Variants in DIO2 observed in about 807,000 individuals in gnomAD.
The protein encoded by DIO2 is type II iodothyronine deiodinase.
DIO2 carries 19 observed loss-of-function variants against 21.4 expected under a neutral mutation model. That is an observed-to-expected ratio of 0.89 (90% CI 0.62 to 1.30). The LOEUF is 1.30. DIO2 is among the 50% of genes most tolerant of loss of function. The probability of loss-of-function intolerance (pLI) is 0.00; values close to 1 mark genes in which losing one functional copy is unlikely to be tolerated. For synonymous variants in DIO2, 122 were observed against 132.9 expected (o/e 0.92, Z 0.57); for missense variants, 302 against 338.1 (o/e 0.89, Z 0.84).
chr14:80,211,717 C>A, upstream of DIO2: 2 of 151,174 alleles, frequency 1.3e-5, no homozygotes, highest in Admixed American at 9.9e-5. Flanking sequence ...TCAATTCATT[C>A]AATTCGGAGC....
chr14:80,212,941 T>C (rs964568178), upstream of DIO2, among the ~76,000 whole-genome samples: 3 of 152,110 alleles, frequency 2.0e-5, no homozygotes, highest in Non-Finnish European at 2.9e-5. Context: ...AAACTTTCCA[T>C]TGAATAGCAT....
intron 2 of DIO2, chr14:80,219,496 C>A (rs1462135084): frequency 1.4e-5 from 2 of 146,790 alleles, no homozygotes; most frequent in East Asian, 4.0e-4. Flanking sequence ...GGATTGACAA[C>A]TGTAAGTCAT....
chr14:80,223,274 T>C (rs184728198), intron 2 of DIO2, among the ~76,000 whole-genome samples: 77 of 152,346 alleles, frequency 5.1e-4, no homozygotes, highest in Admixed American at 2.8e-3. Flanking sequence ...AATGACTGTG[T>C]TATTGGCTTA....
chr14:80,204,044 C>G (rs1887853420), intron 1 of DIO2, among the ~76,000 whole-genome samples: 1 of 152,132 alleles, frequency 6.6e-6, no homozygotes, highest in Non-Finnish European at 1.5e-5. Context: ...CCATGTGAAA[C>G]AGAACATCAT....
rs1887591311 is a variant in DIO2 at position 80,198,782 on chromosome 14, A to C, written c.*3907T>G. On this transcript the variant is annotated 3_prime_UTR_variant, in exon 2 of 2. Coordinates refer to ENST00000438257, the MANE Select transcript of DIO2 (RefSeq NM_013989.5). ...CCATACCATTTAGGGAAAAAAAAAAAAAAAAAAAAACCTCCTAAAATTAAA... is the reference window on the plus strand; with the variant it reads ...CCATACCATTTAGGGAAAAAAAAAACAAAAAAAAAACCTCCTAAAATTAAA... 2 of 152,108 alleles carry C rather than the reference A, an allele frequency of 1.3e-5. No individual in the cohort carries two copies. Among genetic ancestry groups the C allele is most frequent in the Middle Eastern group, 3.4e-3 (1 of 292 alleles). 9.4% of individuals were successfully genotyped at this position (152,108 alleles called of 1,614,324 possible).
chr14:80,229,085 G>A (rs1247009849), intron 2 of DIO2, among the ~76,000 whole-genome samples: 2 of 152,126 alleles, frequency 1.3e-5, no homozygotes, highest in Non-Finnish European at 2.9e-5. Context: ...ACTGGCTCAA[G>A]TCTGGAAATT....
Position 80,202,204 on chromosome 14 carries a change from A to C in DIO2, c.*485T>G. On this transcript the variant is annotated 3_prime_UTR_variant, in exon 2 of 2. Transcript: ENST00000438257. Reference sequence around the variant, plus strand: ...AACATAAGGTCTAACCTTAACACCAACGTCTAACCACATGGCCTGGGTTCA... The same window carrying C: ...AACATAAGGTCTAACCTTAACACCACCGTCTAACCACATGGCCTGGGTTCA... The C allele has an allele frequency of 2.2e-6, 1 of 452,974 alleles. No homozygotes were observed. The highest frequency in any genetic ancestry group is 1.7e-5 in the South Asian group (1 of 58,812). The allele number at this position is 452,974 out of a possible 1,614,324, so 28.1% of individuals were successfully genotyped here.
At chr14:80,223,257 AC>A (rs1446609299) in intron 2 of DIO2, among the ~76,000 whole-genome samples, 7 of 152,130 alleles carry the variant, frequency 4.6e-5, no homozygotes, top group Admixed American at 4.6e-4. Context: ...TTTCAGTCTC[AC>A]CCATCAATGA....
At chr14:80,220,206 C>T (rs1358002061) in intron 2 of DIO2, among the ~76,000 whole-genome samples, 1 of 152,192 alleles carries the variant, frequency 6.6e-6, no homozygotes, top group African/African-American at 2.4e-5. Flanking sequence ...TTCTGAGCAG[C>T]TGGGACTACA....
chr14:80,209,764 A>G (rs1888096958), intron 1 of DIO2, among the ~76,000 whole-genome samples: 1 of 152,222 alleles, frequency 6.6e-6, no homozygotes, highest in African/African-American at 2.4e-5. Context: ...TTTAACAACA[A>G]TAAACACAAA....
At chr14:80,209,366 T>A (rs1888074582) in intron 1 of DIO2, among the ~76,000 whole-genome samples, 2 of 151,898 alleles carry the variant, frequency 1.3e-5, no homozygotes, top group African/African-American at 2.4e-5. Context: ...TTTTTTTTAC[T>A]TTATAGGCAA....
intron 1 of DIO2, chr14:80,205,595 T>G (rs1028408073): frequency 7.5e-7 from 1 of 1,328,742 alleles, no homozygotes; most frequent in Non-Finnish European, 9.9e-7. Flanking sequence ...GGGGACTCTC[T>G]TATTACCTGC....
At chr14:80,212,134 T>A (rs1467148291), upstream of DIO2, 1 of 152,122 alleles carries the variant, frequency 6.6e-6, no homozygotes, top group Non-Finnish European at 1.5e-5. Context: ...CTCTCTGTCT[T>A]TCCCTTCTTG....
chr14:80,212,384 G>T (rs540677126), upstream of DIO2, among the ~76,000 whole-genome samples: 20 of 151,916 alleles, frequency 1.3e-4, no homozygotes, highest in Admixed American at 7.2e-4. Context: ...ATTTTGCTTT[G>T]TGATTTAAAG....
intron 1 of DIO2, chr14:80,205,742 T>TA (rs1216674633): frequency 7.8e-7 from 1 of 1,274,270 alleles, no homozygotes; most frequent in Non-Finnish European, 1.0e-6. Flanking sequence ...CAGTCTAAAA[T>TA]AAAAAAATTA....
chr14:80,211,679 C>T (rs1017763703), upstream of DIO2: 19 of 496,156 alleles, frequency 3.8e-5, no homozygotes, highest in Non-Finnish European at 6.8e-5. Context: ...AGTCCAGTCT[C>T]TCCAGCCCAG....
intron 1 of DIO2, among the ~76,000 whole-genome samples, chr14:80,203,583 C>T (rs1887832921): frequency 1.3e-5 from 2 of 152,176 alleles, no homozygotes; most frequent in Non-Finnish European, 2.9e-5. Flanking sequence ...TAAGCCAAGG[C>T]TGTTATTCTT....
upstream of DIO2, among the ~76,000 whole-genome samples, chr14:80,215,091 A>G (rs1471900507): frequency 6.6e-6 from 1 of 152,150 alleles, no homozygotes; most frequent in Non-Finnish European, 1.5e-5. Flanking sequence ...GGGCTTGGCT[A>G]TCTTCTTGGT....
At chr14:80,203,950 C>T (rs1887849950) in intron 1 of DIO2, among the ~76,000 whole-genome samples, 2 of 152,182 alleles carry the variant, frequency 1.3e-5, no homozygotes, top group East Asian at 1.9e-4. Flanking sequence ...CCACATATGG[C>T]AACTGGAGGA....
Sources: gnomAD v4.1 joint callset for allele counts (sites outside exome capture counted in the v4.1 genomes callset) on GRCh38, gnomAD v4.1.1 for gene constraint, MANE v1.5 for transcripts, NCBI Gene and HGNC (gene_info 2026-07-23, HGNC 2026-07-21) for gene names.